The following FRMPD3 variants were observed in gnomAD, a reference collection of about 807,000 sequenced individuals.
FRMPD3 encodes the protein FERM and PDZ domain containing 3, also known as FERM and PDZ domain-containing protein 3.
A neutral mutation model predicts 97.9 loss-of-function variants in FRMPD3; 42 were observed. The ratio of observed to expected loss-of-function variants is 0.43; its 90% confidence interval spans 0.34 to 0.55. The LOEUF is 0.55. Ranked by LOEUF, FRMPD3 falls within the 20% of genes least tolerant of loss-of-function variation. The probability of loss-of-function intolerance (pLI) is 0.03; values close to 1 mark genes in which losing one functional copy is unlikely to be tolerated. For missense variants in FRMPD3, 1,303 were observed against 1,457.7 expected, an observed-to-expected ratio of 0.89 and a Z score of 1.73; for synonymous variants, 577 against 581.1, an observed-to-expected ratio of 0.99 and a Z score of 0.10.
intron 4 of FRMPD3, among the ~76,000 whole-genome samples, chrX:107,540,248 T>A (rs946717785): frequency 2.7e-5 from 3 of 112,150 alleles, no homozygotes; most frequent in Non-Finnish European, 5.6e-5. Context: ...TCCTCCATTG[T>A]CCTAGGCTCC....
intron 1 of FRMPD3, among the ~76,000 whole-genome samples, chrX:107,481,202 C>G (rs141790405): frequency 0.041 from 4,560 of 112,035 alleles, 223 homozygotes; most frequent in African/African-American, 0.14. Context: ...TGAGGCTTTG[C>G]TGATGAGGGA....
At chrX:107,475,084 A>ATGTG (rs754738601) in intron 1 of FRMPD3, among the ~76,000 whole-genome samples, 1 of 110,809 alleles carries the variant, frequency 9.0e-6, no homozygotes, top group Non-Finnish European at 1.9e-5. Context: ...GAATATGTGT[A>ATGTG]TGTGTGTGTG....
At chrX:107,488,257 A>T (rs967641447) in intron 1 of FRMPD3, among the ~76,000 whole-genome samples, 1 of 111,889 alleles carries the variant, frequency 8.9e-6, no homozygotes, top group Non-Finnish European at 1.9e-5. Flanking sequence ...TTCACCCCAG[A>T]TCCACATGGT....
intron 4 of FRMPD3, among the ~76,000 whole-genome samples, chrX:107,542,260 C>T (rs906900216): frequency 8.9e-6 from 1 of 112,652 alleles, no homozygotes; most frequent in African/African-American, 3.2e-5. Flanking sequence ...CATGTATAAT[C>T]AATACTGTAA....
chrX:107,601,538 C>T lies in FRMPD3; in HGVS notation c.3499C>T (p.Pro1167Ser). 8.5e-7 allele frequency: 1 copy of T among 1,182,516 alleles called. No homozygotes were observed. The highest frequency in any genetic ancestry group is 1.1e-6 in the Non-Finnish European group (1 of 881,920). ...TCGAGGTCAGAGCCCCAGCTGCCAA[C>T]CTCGAGGCCAGAGCCCACTGAGGTC... ...QSRGQSPSCQPRGQSPLRSQA... is the reference protein window; with the variant it reads ...QSRGQSPSCQSRGQSPLRSQA... The change falls in exon 15 of 15, where the codon CCT becomes TCT. Residue 1167 changes from proline (P) to serine (S), a missense_variant. Transcript: ENST00000683843.
intron 8 of FRMPD3, among the ~76,000 whole-genome samples, chrX:107,555,901 G>A (rs969952199): frequency 9.0e-6 from 1 of 111,717 alleles, no homozygotes; most frequent in African/African-American, 3.3e-5. Flanking sequence ...TAGAACCAGG[G>A]CCATGATGAA....
At chrX:107,534,694 T>C (rs1278097081) in intron 4 of FRMPD3, among the ~76,000 whole-genome samples, 2 of 110,766 alleles carry the variant, frequency 1.8e-5, no homozygotes, top group African/African-American at 3.3e-5. Context: ...CACACACATA[T>C]ACAAACACAC....
chrX:107,572,078 G>A (rs1262276844), intron 12 of FRMPD3, among the ~76,000 whole-genome samples: 2 of 111,886 alleles, frequency 1.8e-5, no homozygotes, highest in South Asian at 3.7e-4. Context: ...TTTCCTGCTC[G>A]ATTGTAAGCT....
At chrX:107,579,674 C>G (rs1371094447) in intron 13 of FRMPD3, among the ~76,000 whole-genome samples, 1 of 111,485 alleles carries the variant, frequency 9.0e-6, no homozygotes, top group Non-Finnish European at 1.9e-5. Context: ...GAGAAAGGTC[C>G]AGAAAAATGC....
chrX:107,579,689 T>A (rs192534941), intron 13 of FRMPD3, among the ~76,000 whole-genome samples: 1 of 111,641 alleles, frequency 9.0e-6, no homozygotes, highest in African/African-American at 3.3e-5. Context: ...AAATGCCAGT[T>A]CTCTATCTGT....
At chrX:107,570,317 T>C (rs932949926) in intron 12 of FRMPD3, among the ~76,000 whole-genome samples, 4 of 106,665 alleles carry the variant, frequency 3.8e-5, no homozygotes, top group African/African-American at 1.5e-4. Flanking sequence ...ACAGGGGACA[T>C]GGAAGTTAGA....
At chrX:107,497,099 T>C (rs1193154627) in intron 1 of FRMPD3, among the ~76,000 whole-genome samples, 1 of 112,435 alleles carries the variant, frequency 8.9e-6, no homozygotes, top group African/African-American at 3.2e-5. Context: ...GCTGTGCCCA[T>C]AGGCTGATTG....
At chrX:107,581,232 C>T (rs1166174471) in intron 13 of FRMPD3, among the ~76,000 whole-genome samples, 1 of 110,606 alleles carries the variant, frequency 9.0e-6, no homozygotes, top group Non-Finnish European at 1.9e-5. Flanking sequence ...CCTCAGCCTC[C>T]TGAGTAGCTG....
In FRMPD3 at chrX:107,597,936, G is replaced by A. The variant is rs764205860; in HGVS notation, c.2057G>A (p.Arg686Gln). ...NSSDEDDPKR[R>Q]AVQSQEQGRH... The stretch of plus-strand genomic sequence containing the variant: ...TCTGATGAGGATGACCCCAAGCGCC[G>A]GGCTGTCCAGAGCCAGGAACAAGGA... Residue 686 changes from arginine to glutamine, a missense_variant, in exon 14 of 15, where the codon CGG becomes CAG. Arg to Gln is a conservative substitution (Grantham distance 43). Around this residue, in one of 3 missense-constraint regions of FRMPD3, gnomAD observed 535 missense variants for 618.6 expected, o/e 0.86. Transcript: ENST00000683843. 9 of 1,208,643 alleles carry A rather than the reference G, an allele frequency of 7.4e-6. No individual in the cohort carries two copies. The East Asian group carries it at 1.5e-4, about 20-fold the overall frequency.
intron 13 of FRMPD3, among the ~76,000 whole-genome samples, chrX:107,595,919 C>T (rs955500567): frequency 1.1e-4 from 11 of 99,592 alleles, no homozygotes; most frequent in African/African-American, 4.2e-4. Context: ...GCCCAGGCAA[C>T]GGAGTGAGAC....
At chrX:107,493,210 C>T (rs1298097892) in intron 1 of FRMPD3, among the ~76,000 whole-genome samples, 3 of 106,252 alleles carry the variant, frequency 2.8e-5, no homozygotes, top group East Asian at 5.8e-4. Flanking sequence ...AGACACTAGC[C>T]GAAGCAACAT....
intron 1 of FRMPD3, among the ~76,000 whole-genome samples, chrX:107,519,664 A>G (rs1391077979): frequency 9.0e-6 from 1 of 111,540 alleles, no homozygotes; most frequent in Non-Finnish European, 1.9e-5. Context: ...AACAATGAGG[A>G]GAAAGAGAGT....
chrX:107,594,797 C>T (rs1329931416), intron 13 of FRMPD3, among the ~76,000 whole-genome samples: 7 of 111,358 alleles, frequency 6.3e-5, no homozygotes, highest in Non-Finnish European at 1.1e-4. Context: ...AGGAGAATCG[C>T]TTGAACCCGG....
rs1054051720 is a variant in FRMPD3 at position 107,592,967 on chromosome X, G to A, written c.1442-4354G>A. 7.3e-5 allele frequency among the ~76,000 whole-genome samples: 8 copies of A among 109,499 alleles called. No homozygotes were observed. In the East Asian group the frequency reaches 2.0e-3, roughly 27 times the overall value. On this transcript the variant is annotated intron_variant, in intron 13 of 14. Coordinates refer to ENST00000683843, the MANE Select transcript of FRMPD3 (RefSeq NM_001388459.1). ...CTAATTTTTGTATTTTAGTAGAGAC[G>A]GAGTTTCACCATGTTGGTCAGGCTG... is the stretch of plus-strand genomic sequence containing the variant.
Sources: allele counts gnomAD v4.1 joint callset (sites outside exome capture counted in the v4.1 genomes callset), GRCh38; gene constraint gnomAD v4.1.1; regional missense constraint gnomAD v4.1.1; transcripts MANE v1.5; gene names NCBI Gene and HGNC (gene_info 2026-07-23, HGNC 2026-07-21).